ANKRD30BL: variants seen among roughly 807,000 people sequenced by gnomAD.
ANKRD30BL encodes ankyrin repeat domain 30B like.
A neutral mutation model predicts 18.4 loss-of-function variants in ANKRD30BL; 20 were observed. That is an observed-to-expected ratio of 1.09 (90% CI 0.77 to 1.58). The LOEUF is 1.58. Among genes scored for constraint, ANKRD30BL ranks in the 40% most tolerant of loss-of-function variants. ANKRD30BL has a pLI of 0.00. For synonymous variants in ANKRD30BL, 72 were observed against 100.9 expected, an observed-to-expected ratio of 0.71 and a Z score of 1.72; for missense variants, 224 against 268.6, an observed-to-expected ratio of 0.83 and a Z score of 1.16.
At chr2:132,213,837 A>G (rs974227880) in intron 1 of ANKRD30BL, among the ~76,000 whole-genome samples, 26 of 150,050 alleles carry the variant, frequency 1.7e-4, no homozygotes, top group African/African-American at 2.5e-4. Flanking sequence ...ACTAGACAGA[A>G]TCTTTCTTAG....
At chr2:132,191,918 A>G (rs933294895) in intron 1 of ANKRD30BL, among the ~76,000 whole-genome samples, 9 of 151,264 alleles carry the variant, frequency 5.9e-5, no homozygotes, top group Non-Finnish European at 1.3e-4. Flanking sequence ...ATTTTTTTGT[A>G]TATTTTTAGT....
At chr2:132,227,820 C>A (rs552971168) in intron 1 of ANKRD30BL, among the ~76,000 whole-genome samples, 12 of 152,186 alleles carry the variant, frequency 7.9e-5, no homozygotes, top group South Asian at 6.2e-4. Flanking sequence ...AGTTTGGAAA[C>A]ACTCTTTTTG....
intron 1 of ANKRD30BL, among the ~76,000 whole-genome samples, chr2:132,173,310 T>C (rs1688312987): frequency 6.6e-6 from 1 of 150,454 alleles, no homozygotes; most frequent in African/African-American, 2.4e-5. Context: ...TCTTTTTTTT[T>C]TTTTTTTGAG....
chr2:132,196,415 A>G (rs1678970775), intron 1 of ANKRD30BL, among the ~76,000 whole-genome samples: 1 of 152,008 alleles, frequency 6.6e-6, no homozygotes, highest in South Asian at 2.1e-4. Context: ...ACGCCATTGC[A>G]CTCTGACCGG....
rs199730898 is a variant in ANKRD30BL at position 132,242,618 on chromosome 2, T to C, written n.441+14911A>G. ...TACTCAACTCACCGAGTTGAAGCTT[T>C]CTTTTGATACAGCAGTTTTGAAACA... On this transcript the variant is annotated intron_variant and non_coding_transcript_variant, in intron 1 of 4. Transcript: ENST00000470729. Among the ~76,000 whole-genome samples, 12 of 151,732 alleles carry C rather than the reference T, an allele frequency of 7.9e-5. 1 individual carries two copies. Among genetic ancestry groups the C allele is most frequent in the Non-Finnish European group, 1.5e-5 (1 of 67,826 alleles).
intron 1 of ANKRD30BL, among the ~76,000 whole-genome samples, chr2:132,198,268 T>TTTTCTTTTC (rs1679007411): frequency 6.4e-5 from 7 of 109,776 alleles, no homozygotes; most frequent in African/African-American, 3.0e-4. Context: ...TCTTTCTTTC[T>TTTTCTTTTC]TTTCTTTCTT....
Position 132,170,707 on chromosome 2 carries a change from A to G in ANKRD30BL, n.442-13561T>C, listed in dbSNP as rs551904941. On this transcript the variant is annotated intron_variant and non_coding_transcript_variant, in intron 1 of 4. Coordinates refer to the ANKRD30BL transcript ENST00000470729. ...ACCTGTTCTATGGTTCCAGCCTCAC[A>G]TTGGTAAGGGAGTGTTTTCAGAAGG... Among the ~76,000 whole-genome samples, 3 of 152,326 alleles carry G rather than the reference A, an allele frequency of 2.0e-5. No homozygotes were observed. The South Asian group carries it at 6.2e-4, about 32-fold the overall frequency.
chr2:132,191,740 T>A (rs1678854879), intron 1 of ANKRD30BL, among the ~76,000 whole-genome samples: 1 of 144,246 alleles, frequency 6.9e-6, no homozygotes, highest in East Asian at 2.0e-4. Flanking sequence ...GAGTTTGATT[T>A]TTTTTTTTTT....
intron 1 of ANKRD30BL, among the ~76,000 whole-genome samples, chr2:132,160,260 C>G (rs1688017998): frequency 1.3e-5 from 2 of 151,918 alleles, no homozygotes; most frequent in African/African-American, 4.8e-5. Flanking sequence ...CGACATCCTG[C>G]CTGGCTAATT....
chr2:132,202,454 A>G (rs1461899767), intron 1 of ANKRD30BL, among the ~76,000 whole-genome samples: 4 of 151,058 alleles, frequency 2.6e-5, no homozygotes, highest in Non-Finnish European at 4.4e-5. Flanking sequence ...TACAAATGGG[A>G]CTTGAATATT....
chr2:132,167,180 A>G (rs1409950505), intron 1 of ANKRD30BL, among the ~76,000 whole-genome samples: 1 of 151,754 alleles, frequency 6.6e-6, no homozygotes, highest in Non-Finnish European at 1.5e-5. Flanking sequence ...TAAGACGTTT[A>G]TGGCCCATAA....
At chr2:132,188,103 T>C (rs887110101) in intron 1 of ANKRD30BL, among the ~76,000 whole-genome samples, 8 of 152,156 alleles carry the variant, frequency 5.3e-5, no homozygotes, top group East Asian at 1.9e-4. Flanking sequence ...TTTTATGCCA[T>C]AGTTCATATT....
chr2:132,251,024 G>A (rs79226182), intron 1 of ANKRD30BL, among the ~76,000 whole-genome samples: 10 of 152,146 alleles, frequency 6.6e-5, no homozygotes, highest in Non-Finnish European at 1.2e-4. Context: ...GCTGTGCTGC[G>A]AGTGGACAGA....
intron 1 of ANKRD30BL, among the ~76,000 whole-genome samples, chr2:132,197,179 A>G (rs1281100205): frequency 6.6e-6 from 1 of 152,266 alleles, no homozygotes; most frequent in Admixed American, 6.5e-5. Context: ...TCCATTGCAG[A>G]GGAAAGACTT....
At chr2:132,220,807 G>A (rs573923036) in intron 1 of ANKRD30BL, among the ~76,000 whole-genome samples, 10 of 149,878 alleles carry the variant, frequency 6.7e-5, no homozygotes, top group South Asian at 6.4e-4. Context: ...AGTGAGGAGC[G>A]TCTCTGCCTG....
At chr2:132,194,379 A>T (rs188487025) in intron 1 of ANKRD30BL, among the ~76,000 whole-genome samples, 1 of 152,238 alleles carries the variant, frequency 6.6e-6, no homozygotes, top group Non-Finnish European at 1.5e-5. Context: ...ATCAGACAGC[A>T]TAAGTCAGCG....
chr2:132,224,297 G>C (rs1232186263), intron 1 of ANKRD30BL, among the ~76,000 whole-genome samples: 1 of 152,042 alleles, frequency 6.6e-6, no homozygotes, highest in Non-Finnish European at 1.5e-5. Flanking sequence ...TGTGGAAAAG[G>C]AAATATCTTT....
intron 1 of ANKRD30BL, among the ~76,000 whole-genome samples, chr2:132,177,469 A>C (rs1208584368): frequency 6.6e-6 from 1 of 152,192 alleles, no homozygotes; most frequent in Non-Finnish European, 1.5e-5. Flanking sequence ...TATTTTTAAA[A>C]GATTAAAGGT....
rs528960274 is a variant in ANKRD30BL at position 132,224,548 on chromosome 2, T to C, written n.441+32981A>G. Among the ~76,000 whole-genome samples, 18 of 152,210 alleles carry C rather than the reference T, an allele frequency of 1.2e-4. No individual in the cohort carries two copies. In the East Asian group the frequency reaches 3.5e-3, roughly 29 times the overall value. On this transcript the variant is annotated intron_variant and non_coding_transcript_variant, in intron 1 of 4. Coordinates refer to the ANKRD30BL transcript ENST00000470729. ...TGCATTCAACTCACAGAGCTGAACT[T>C]TCTTTTGATAGAGCAGGTTTGAAAC...
Sources: allele counts gnomAD v4.1 joint callset (sites outside exome capture counted in the v4.1 genomes callset), GRCh38; gene constraint gnomAD v4.1.1; transcripts MANE v1.5; gene names NCBI Gene and HGNC (gene_info 2026-07-23, HGNC 2026-07-21).